The following CADM2 variants were observed in gnomAD, a reference collection of about 807,000 sequenced individuals.
CADM2 encodes immunoglobulin superfamily member 4D.
Under a neutral mutation model 49.8 loss-of-function variants are expected in CADM2, and 12 were observed. The observed-to-expected ratio is 0.24, with a 90% CI of 0.15 to 0.39. The LOEUF (loss-of-function observed/expected upper bound fraction) is 0.39. Ranked by LOEUF, CADM2 falls within the 10% of genes least tolerant of loss-of-function variation. CADM2 has a pLI of 1.00. For synonymous variants in CADM2, 214 were observed against 175.4 expected, an observed-to-expected ratio of 1.22 and a Z score of -1.74; for missense variants, 378 against 492.3, an observed-to-expected ratio of 0.77 and a Z score of 2.20.
chr3:85,470,365 G>A (rs1046975403), intron 1 of CADM2, among the ~76,000 whole-genome samples: 3 of 152,142 alleles, frequency 2.0e-5, no homozygotes, highest in Admixed American at 2.0e-4. Context: ...TGTTGGGATA[G>A]CTTTCAAAAA....
At position 85,159,111 on chromosome 3, in the gene CADM2, A is replaced by G. The variant is rs543353885; in HGVS notation, c.61+199443A>G. ...ACATATTTTATACTTTCTTTACTTA[A>G]TCATTTGCAAATTAATGTCTCTTCA... On this transcript the variant is annotated intron_variant, in intron 1 of 9. Coordinates refer to ENST00000383699, the MANE Select transcript of CADM2 (RefSeq NM_001167675.2). Among the ~76,000 whole-genome samples, 5 of 152,314 alleles carry G rather than the reference A, an allele frequency of 3.3e-5. 1 individual carries two copies. The highest frequency in any genetic ancestry group is 9.6e-5 in the African/African-American group (4 of 41,582).
chr3:84,971,110 T>C (rs1376406900), intron 1 of CADM2, among the ~76,000 whole-genome samples: 2 of 152,150 alleles, frequency 1.3e-5, no homozygotes. Context: ...TCGTAATGAT[T>C]CACTTAAAAT....
chr3:85,041,528 A>G (rs1321733181), intron 1 of CADM2, among the ~76,000 whole-genome samples: 1 of 152,172 alleles, frequency 6.6e-6, no homozygotes, highest in Non-Finnish European at 1.5e-5. Context: ...CTTAAATCGT[A>G]TGACTTTTCC....
intron 5 of CADM2, among the ~76,000 whole-genome samples, chr3:85,892,322 T>C (rs1253084341): frequency 6.6e-6 from 1 of 152,190 alleles, no homozygotes; most frequent in Non-Finnish European, 1.5e-5. Context: ...TGTTTGCTCA[T>C]TAAGAAAATG....
chr3:84,966,961 G>A (rs2031046914), intron 1 of CADM2, among the ~76,000 whole-genome samples: 1 of 151,992 alleles, frequency 6.6e-6, no homozygotes, highest in Middle Eastern at 3.4e-3. Context: ...AAAGCTAAAT[G>A]TGATCAAATA....
At chr3:85,889,825 GT>G (rs1450012624) in intron 5 of CADM2, among the ~76,000 whole-genome samples, 6 of 152,202 alleles carry the variant, frequency 3.9e-5, no homozygotes, top group Middle Eastern at 3.4e-3. Flanking sequence ...AGCTTTCACA[GT>G]TGAGAAAGAG....
At chr3:85,560,841 C>G (rs1031658818) in intron 1 of CADM2, among the ~76,000 whole-genome samples, 1 of 152,128 alleles carries the variant, frequency 6.6e-6, no homozygotes, top group African/African-American at 2.4e-5. Flanking sequence ...GTAGAACAGT[C>G]ACTGGTGAAC....
intron 8 of CADM2, among the ~76,000 whole-genome samples, chr3:86,050,513 C>T (rs1737208647): frequency 6.6e-6 from 1 of 152,280 alleles, no homozygotes; most frequent in African/African-American, 2.4e-5. Context: ...GTGGGGACTC[C>T]AGCCTCTCAT....
chr3:85,287,970 A>C, intron 1 of CADM2, among the ~76,000 whole-genome samples: 3 of 136,088 alleles, frequency 2.2e-5, no homozygotes, highest in Non-Finnish European at 3.2e-5. Context: ...GGGGGGAGGG[A>C]TAGCATTAGG....
intron 1 of CADM2, among the ~76,000 whole-genome samples, chr3:85,417,577 T>G (rs1167206504): frequency 6.6e-6 from 1 of 152,210 alleles, no homozygotes; most frequent in Non-Finnish European, 1.5e-5. Context: ...GCAACTTTTA[T>G]CCATCTATCA....
chr3:85,913,015 T>TTCATCA (rs555023129), intron 6 of CADM2, among the ~76,000 whole-genome samples: 1 of 152,192 alleles, frequency 6.6e-6, no homozygotes. Flanking sequence ...TTATTATGTT[T>TTCATCA]TCATCATCAT....
intron 1 of CADM2, among the ~76,000 whole-genome samples, chr3:85,703,181 G>A (rs1577120944): frequency 1.3e-5 from 2 of 152,046 alleles, no homozygotes; most frequent in Admixed American, 6.6e-5. Context: ...CAAGTGAAAA[G>A]GCAGGAAGAA....
At chr3:85,072,331 C>A (rs956517657) in intron 1 of CADM2, among the ~76,000 whole-genome samples, 3 of 151,966 alleles carry the variant, frequency 2.0e-5, no homozygotes, top group Admixed American at 1.3e-4. Context: ...ATTAAATATT[C>A]TCTGATGAGA....
chr3:85,362,123 C>T lies in CADM2; in HGVS notation c.62-364399C>T, dbSNP rs144480151. Among the ~76,000 whole-genome samples, 576 of 152,248 alleles carry T rather than the reference C, an allele frequency of 3.8e-3. 5 individuals are homozygous for T. Among genetic ancestry groups the T allele is most frequent in the Admixed American group, 9.6e-3 (147 of 15,292 alleles). On this transcript the variant is annotated intron_variant, in intron 1 of 9. Coordinates refer to ENST00000383699, the MANE Select transcript of CADM2 (RefSeq NM_001167675.2). ...TTTGGACCTCCAGTAAGTGACAGGA[C>T]CCGCCCAATGAAATTAGGCATATGG...
chr3:85,212,727 T>G (rs961393825), intron 1 of CADM2, among the ~76,000 whole-genome samples: 16 of 152,042 alleles, frequency 1.1e-4, no homozygotes, highest in African/African-American at 3.6e-4. Context: ...GAGTGGTTTA[T>G]ACACCCCAAT....
At chr3:85,926,114 C>G (rs1287203784) in intron 6 of CADM2, among the ~76,000 whole-genome samples, 1 of 149,544 alleles carries the variant, frequency 6.7e-6, no homozygotes, top group African/African-American at 2.5e-5. Flanking sequence ...TCCAGCCGGA[C>G]GACAGAGTGA....
intron 8 of CADM2, among the ~76,000 whole-genome samples, chr3:86,012,054 A>G (rs1365724519): frequency 2.6e-5 from 4 of 152,044 alleles, no homozygotes; most frequent in African/African-American, 4.8e-5. Flanking sequence ...AAATATACTC[A>G]TATGGAAATA....
chr3:85,278,970 A>G (rs1423357173), intron 1 of CADM2, among the ~76,000 whole-genome samples: 2 of 151,494 alleles, frequency 1.3e-5, no homozygotes, highest in African/African-American at 4.8e-5. Flanking sequence ...TAGTTCACAG[A>G]TTTGCAGAGG....
Position 85,997,028 on chromosome 3 carries a change from G to A in CADM2, c.970+35381G>A, listed in dbSNP as rs149976270. On this transcript the variant is annotated intron_variant, in intron 8 of 9. Coordinates refer to ENST00000383699, the MANE Select transcript of CADM2 (RefSeq NM_001167675.2). ...GTGATACATCGGTCAGTGTGGAGGT[G>A]TAATTGCTTTGTCTTCCATAAACTA... Among the ~76,000 whole-genome samples, 483 of 152,298 alleles carry A rather than the reference G, an allele frequency of 3.2e-3. 1 individual carries two copies. Among genetic ancestry groups the A allele is most frequent in the African/African-American group, 9.6e-3 (400 of 41,572 alleles).
Sources: gnomAD v4.1 joint callset for allele counts (sites outside exome capture counted in the v4.1 genomes callset) on GRCh38, gnomAD v4.1.1 for gene constraint, MANE v1.5 for transcripts, NCBI Gene and HGNC (gene_info 2026-07-23, HGNC 2026-07-21) for gene names.